MYO18B: variants seen among roughly 807,000 people sequenced by gnomAD.
The protein encoded by MYO18B is myosin XVIIIB.
Under a neutral mutation model 273.0 loss-of-function variants are expected in MYO18B, and 204 were observed. That is an observed-to-expected ratio of 0.75 (90% CI 0.67 to 0.84). The LOEUF (loss-of-function observed/expected upper bound fraction) is 0.84, where lower values mean the gene tolerates loss of function less well. Among genes scored for constraint, MYO18B ranks in the 40% least tolerant of loss-of-function variants. MYO18B has a pLI of 0.00. For synonymous variants in MYO18B, 1,330 were observed against 1,305.7 expected (o/e 1.02, Z -0.40); for missense variants, 3,212 against 3,287.6 (o/e 0.98, Z 0.56).
intron 12 of MYO18B, among the ~76,000 whole-genome samples, chr22:25,804,009 C>T (rs1424502172): frequency 2.0e-5 from 3 of 148,330 alleles, no homozygotes; most frequent in African/African-American, 4.9e-5. Flanking sequence ...CACACACACA[C>T]ATATTTTATA....
At chr22:25,790,918 A>G (rs1211815186) in intron 11 of MYO18B, among the ~76,000 whole-genome samples, 1 of 152,140 alleles carries the variant, frequency 6.6e-6, no homozygotes, top group Non-Finnish European at 1.5e-5. Context: ...GGGGTCCTCA[A>G]ATCTGGGCTG....
chr22:25,780,120 C>G lies in MYO18B; in HGVS notation c.2133C>G (p.Ser711Arg). ...TCGGCTCTGTGTCCATGGCCCACAG[C>G]CGCAGTGCCACCCGGTTCTCCATGG... ...RAFGSVSMAH[S>R]RSATRFSMVM... Residue 711 changes from serine (S) to arginine (R), a missense_variant, in exon 9 of 44, where the codon AGC (serine) becomes AGG (arginine). Coordinates refer to ENST00000335473, the MANE Select transcript of MYO18B (RefSeq NM_032608.7). 6.2e-7 allele frequency: 1 copy of G among 1,603,718 alleles called. No homozygotes were observed. Among genetic ancestry groups the G allele is most frequent in the Non-Finnish European group, 8.5e-7 (1 of 1,176,046 alleles).
chr22:26,043,750 G>A, the MYO18B span, among the ~76,000 whole-genome samples: 7 of 151,818 alleles, frequency 4.6e-5, no homozygotes, highest in South Asian at 4.2e-4. Flanking sequence ...TCCTGACCTC[G>A]TGATCCACCT....
At chr22:25,836,331 G>A (rs906107966) in intron 17 of MYO18B, among the ~76,000 whole-genome samples, 3 of 152,184 alleles carry the variant, frequency 2.0e-5, no homozygotes, top group Non-Finnish European at 2.9e-5. Context: ...CTGCTACGAT[G>A]ATTGGGTAAT....
In MYO18B at chr22:25,768,570, TG is replaced by T. The variant is rs2086595421; in HGVS notation, c.659del (p.Gly220ValfsTer12). ...CCCCGAAAGCTGAGAAGACCCGGAC[TG>T]GGGGTCTTGGGGACCCAGGCCAAGG... ...LAPKAEKTRT[G>X]GLGDPGQGTV... is the part of the protein sequence containing the mutation. On this transcript the variant is annotated frameshift_variant, in exon 4 of 44. Transcript: ENST00000335473. LOFTEE classifies it high-confidence loss of function. The T allele has an allele frequency of 6.5e-7, 1 of 1,531,184 alleles. No individual in the cohort carries two copies. The highest frequency in any genetic ancestry group is 8.7e-7 in the Non-Finnish European group (1 of 1,144,092). 94.8% of individuals were successfully genotyped at this position (1,531,184 alleles called of 1,614,324 possible).
At chr22:25,994,330 GA>G (rs2146860492) in intron 40 of MYO18B, among the ~76,000 whole-genome samples, 1 of 152,288 alleles carries the variant, frequency 6.6e-6, no homozygotes, top group East Asian at 1.9e-4. Flanking sequence ...AAATTAGCCA[GA>G]CATGGTGGCC....
intron 3 of MYO18B, among the ~76,000 whole-genome samples, chr22:25,763,927 A>G (rs2086416085): frequency 6.6e-6 from 1 of 152,218 alleles, no homozygotes; most frequent in Non-Finnish European, 1.5e-5. Context: ...TTGAGTTGGT[A>G]CTAACTGGTG....
Position 25,828,889 on chromosome 22 carries a change from G to A in MYO18B, c.2900G>A (p.Cys967Tyr). Reference protein sequence around the residue: ...KDRAATFEELCHNYAHERLQL... With the variant: ...KDRAATFEELYHNYAHERLQL... ...CGGGCGGCCACCTTTGAGGAGCTGTGCCACAACTACGCCCATGAGCGCCTG... is the reference window on the plus strand; with the variant it reads ...CGGGCGGCCACCTTTGAGGAGCTGTACCACAACTACGCCCATGAGCGCCTG... The change falls in exon 15 of 44, where the codon TGC becomes TAC. Residue 967 changes from cysteine (C) to tyrosine (Y), a missense_variant. Cys to Tyr is a radical substitution (Grantham distance 194, BLOSUM62 -2). Coordinates refer to ENST00000335473, the MANE Select transcript of MYO18B (RefSeq NM_032608.7). 1.9e-6 allele frequency: 3 copies of A among 1,614,034 alleles called. No homozygotes were observed. Among genetic ancestry groups the A allele is most frequent in the Non-Finnish European group, 2.5e-6 (3 of 1,179,892 alleles).
chr22:25,785,567 C>A, intron 11 of MYO18B, 76 bp downstream of exon 11: 1 of 1,462,504 alleles, frequency 6.8e-7, no homozygotes, highest in Non-Finnish European at 9.4e-7. Flanking sequence ...AGTCGCCGTG[C>A]AACTTGTCTC....
chr22:25,984,135 T>A (rs1601753274), intron 39 of MYO18B, among the ~76,000 whole-genome samples: 4 of 119,022 alleles, frequency 3.4e-5, no homozygotes, highest in Admixed American at 3.1e-4. Context: ...AATTTTACAT[T>A]ATTTCATTTG....
chr22:25,921,817 TGTGTG>T (rs1053078378), intron 34 of MYO18B, among the ~76,000 whole-genome samples: 1 of 25,388 alleles, frequency 3.9e-5, no homozygotes, highest in Non-Finnish European at 1.2e-4. Context: ...ATAGCAATAG[TGTGTG>T]TGTGTGTGTG....
chr22:25,950,128 A>T (rs1390827317), intron 36 of MYO18B, among the ~76,000 whole-genome samples: 1 of 152,158 alleles, frequency 6.6e-6, no homozygotes, highest in Non-Finnish European at 1.5e-5. Flanking sequence ...ATATAATAAA[A>T]TGCTGGACAG....
At chr22:25,838,916 TCTGTGTGTGC>T (rs1184735072) in intron 17 of MYO18B, among the ~76,000 whole-genome samples, 2 of 152,100 alleles carry the variant, frequency 1.3e-5, no homozygotes, top group Non-Finnish European at 2.9e-5. Flanking sequence ...TATGTGTATA[TCTGTGTGTGC>T]CTGTGTGTGT....
intron 25 of MYO18B, among the ~76,000 whole-genome samples, chr22:25,889,065 A>G (rs2091583961): frequency 7.4e-6 from 1 of 134,296 alleles, no homozygotes; most frequent in African/African-American, 3.5e-5. Context: ...AAAAATCTCA[A>G]TTAACAGTTT....
intron 33 of MYO18B, among the ~76,000 whole-genome samples, chr22:25,912,435 A>G (rs2092176174): frequency 6.6e-6 from 1 of 152,256 alleles, no homozygotes; most frequent in East Asian, 1.9e-4. Context: ...AATCTAGTAA[A>G]GCAAGGTTTT....
intron 11 of MYO18B, among the ~76,000 whole-genome samples, chr22:25,791,139 T>G (rs920663068): frequency 1.4e-5 from 2 of 144,296 alleles, no homozygotes; most frequent in African/African-American, 2.6e-5. Context: ...CATGTCTACA[T>G]CAACAGATCA....
chr22:25,796,081 G>A (rs1250517472), intron 11 of MYO18B, among the ~76,000 whole-genome samples: 2 of 152,094 alleles, frequency 1.3e-5, no homozygotes, highest in African/African-American at 4.8e-5. Context: ...ATCGGCTGGT[G>A]GATTATTGAC....
the MYO18B span, among the ~76,000 whole-genome samples, chr22:26,047,357 A>T: frequency 6.6e-6 from 1 of 151,992 alleles, no homozygotes; most frequent in Non-Finnish European, 1.5e-5. Context: ...CAATCTCCTG[A>T]CCTCGTGATC....
intron 27 of MYO18B, among the ~76,000 whole-genome samples, chr22:25,893,858 C>T (rs951503445): frequency 2.0e-5 from 3 of 151,490 alleles, no homozygotes; most frequent in Non-Finnish European, 4.4e-5. Context: ...TATCCATATA[C>T]CCTACCACTT....
Sources: gnomAD v4.1 joint callset for allele counts (sites outside exome capture counted in the v4.1 genomes callset) on GRCh38, gnomAD v4.1.1 for gene constraint, MANE v1.5 for transcripts, NCBI Gene and HGNC (gene_info 2026-07-23, HGNC 2026-07-21) for gene names.